KCNK10: variants seen among roughly 807,000 people sequenced by gnomAD.
KCNK10 encodes the protein potassium channel subfamily K member 10.
Under a neutral mutation model 47.7 loss-of-function variants are expected in KCNK10, and 25 were observed. The observed-to-expected ratio is 0.52, with a 90% CI of 0.38 to 0.73. KCNK10 has a LOEUF of 0.73. Among genes scored for constraint, KCNK10 ranks in the 30% least tolerant of loss-of-function variants. The pLI is 0.00. For synonymous variants in KCNK10, 303 were observed against 285.6 expected, an observed-to-expected ratio of 1.06 and a Z score of -0.61; for missense variants, 563 against 714.5, an observed-to-expected ratio of 0.79 and a Z score of 2.42.
chr14:88,304,125 G>T (rs1338749873), intron 1 of KCNK10, among the ~76,000 whole-genome samples: 1 of 152,054 alleles, frequency 6.6e-6, no homozygotes, highest in Non-Finnish European at 1.5e-5. Context: ...AGACCAGCCT[G>T]GGCAACATAG....
At chr14:88,201,911 C>T (rs910636701) in intron 4 of KCNK10, among the ~76,000 whole-genome samples, 1 of 152,210 alleles carries the variant, frequency 6.6e-6, no homozygotes, top group Non-Finnish European at 1.5e-5. Flanking sequence ...GGGACACATG[C>T]TCCATAAGAT....
intron 4 of KCNK10, among the ~76,000 whole-genome samples, chr14:88,199,939 C>A (rs1033271271): frequency 1.3e-5 from 2 of 152,186 alleles, no homozygotes; most frequent in African/African-American, 4.8e-5. Flanking sequence ...GTAAACAACG[C>A]CCTTCCCAAT....
intron 3 of KCNK10, chr14:88,234,925 G>C: frequency 3.3e-6 from 1 of 305,762 alleles, no homozygotes; most frequent in Non-Finnish European, 6.5e-6. Flanking sequence ...CTCAGAAAAT[G>C]ATGACAGGGC....
At chr14:88,292,605 C>G (rs1462832397) in intron 1 of KCNK10, among the ~76,000 whole-genome samples, 3 of 151,886 alleles carry the variant, frequency 2.0e-5, no homozygotes, top group African/African-American at 7.3e-5. Flanking sequence ...CCCACCTCGG[C>G]CTCCCAGAGT....
At chr14:88,293,741 T>A (rs1887927616) in intron 1 of KCNK10, among the ~76,000 whole-genome samples, 1 of 151,972 alleles carries the variant, frequency 6.6e-6, no homozygotes, top group Non-Finnish European at 1.5e-5. Context: ...AGTGGTGCAA[T>A]CATAGCTCAC....
upstream of KCNK10, chr14:88,323,330 C>A (rs1166565625): frequency 3.6e-5 from 35 of 978,886 alleles, no homozygotes; most frequent in Non-Finnish European, 4.2e-5. Flanking sequence ...CCGGCCGCGG[C>A]TCCTCGCCCC....
chr14:88,272,873 G>A (rs1265804291), intron 1 of KCNK10, among the ~76,000 whole-genome samples: 4 of 152,130 alleles, frequency 2.6e-5, no homozygotes, highest in East Asian at 3.9e-4. Flanking sequence ...TAAAATGTGC[G>A]GGTCCTAGTG....
intron 2 of KCNK10, 80 bp downstream of exon 2, chr14:88,263,122 G>T: frequency 8.5e-7 from 1 of 1,174,844 alleles, no homozygotes; most frequent in Non-Finnish European, 1.2e-6. Flanking sequence ...CTGAAGGCAA[G>T]ACTAGAGACC....
intron 5 of KCNK10, among the ~76,000 whole-genome samples, chr14:88,189,628 CCAGA>C (rs745846766): frequency 2.3e-4 from 35 of 152,076 alleles, no homozygotes; most frequent in Non-Finnish European, 4.3e-4. Context: ...GTGTGTGCTC[CCAGA>C]CAGAGTTGCG....
intron 1 of KCNK10, among the ~76,000 whole-genome samples, chr14:88,316,782 T>C (rs1888438416): frequency 1.3e-5 from 2 of 152,216 alleles, no homozygotes; most frequent in African/African-American, 4.8e-5. Context: ...CATTTTATCA[T>C]TAAACTCTTC....
At chr14:88,251,232 C>CA (rs1160023262) in intron 2 of KCNK10, among the ~76,000 whole-genome samples, 40,732 of 70,144 alleles carry the variant, frequency 0.58, 11,757 homozygotes, top group East Asian at 0.7. Context: ...GACTCTGTCT[C>CA]AAAAAAAAAA....
chr14:88,227,769 T>C (rs1170904843), intron 3 of KCNK10, among the ~76,000 whole-genome samples: 1 of 152,248 alleles, frequency 6.6e-6, no homozygotes, highest in East Asian at 1.9e-4. Flanking sequence ...AGGAAATTCA[T>C]GGTCACTCAG....
At position 88,186,420 on chromosome 14, in the gene KCNK10, A is replaced by C. The variant is rs1036790058; in HGVS notation, c.1012-265T>G. Among the ~76,000 whole-genome samples the C allele has an allele frequency of 6.6e-6, 1 of 152,088 alleles. No homozygotes were observed. Among genetic ancestry groups the C allele is most frequent in the African/African-American group, 2.4e-5 (1 of 41,420 alleles). ...CCTCAGATTTGGAGATGGTGACTTA[A>C]AGAGAGGGGGACGGCATCCTGCAGG... On this transcript the variant is annotated intron_variant, in intron 6 of 6. Transcript: ENST00000319231. This position sits in a 1 kb window ranked among gnomAD's most constrained non-coding sequence, Gnocchi z 5.5.
chr14:88,267,773 C>G (rs962934126), intron 1 of KCNK10, among the ~76,000 whole-genome samples: 2 of 152,162 alleles, frequency 1.3e-5, no homozygotes, highest in African/African-American at 4.8e-5. Context: ...GACCTGGAAT[C>G]AACCACTGGA....
chr14:88,303,480 T>TTGCTGTGA (rs1235343958), intron 1 of KCNK10, among the ~76,000 whole-genome samples: 1 of 152,034 alleles, frequency 6.6e-6, no homozygotes, highest in East Asian at 1.9e-4. Context: ...TCCAGCAATT[T>TTGCTGTGA]TGCTGTGAAA....
At chr14:88,259,860 G>A (rs1418236037) in intron 2 of KCNK10, among the ~76,000 whole-genome samples, 1 of 152,216 alleles carries the variant, frequency 6.6e-6, no homozygotes, top group South Asian at 2.1e-4. Context: ...CAGTGTAGGA[G>A]AAGGGGTATG....
chr14:88,307,958 G>T (rs1483630665), intron 1 of KCNK10, among the ~76,000 whole-genome samples: 2 of 152,062 alleles, frequency 1.3e-5, no homozygotes, highest in East Asian at 3.9e-4. Flanking sequence ...ACTCCCTAGG[G>T]AGCAGGTACT....
In KCNK10 at chr14:88,184,469, T is replaced by G. The variant is rs1178043321; in HGVS notation, c.*1066A>C. The G allele has an allele frequency of 1.3e-5, 2 of 152,356 alleles. No individual in the cohort carries two copies. Among genetic ancestry groups the G allele is most frequent in the African/African-American group, 4.8e-5 (2 of 41,458 alleles). The allele number at this position is 152,356 out of a possible 1,614,324, so 9.4% of individuals were successfully genotyped here. A position where few individuals can be genotyped will look rare whatever the true frequency, so the allele number is the denominator to read the frequency against. On this transcript the variant is annotated 3_prime_UTR_variant, in exon 7 of 7. Transcript: ENST00000319231. Reference sequence around the variant, plus strand: ...TCTTTTTGTTTGGAGATAGCGAGATTGGATCTTATCACTATGTCTACCCTA... The same window carrying G: ...TCTTTTTGTTTGGAGATAGCGAGATGGGATCTTATCACTATGTCTACCCTA...
chr14:88,262,035 G>C (rs1887126537), intron 2 of KCNK10, among the ~76,000 whole-genome samples: 1 of 152,146 alleles, frequency 6.6e-6, no homozygotes, highest in African/African-American at 2.4e-5. Flanking sequence ...CTACTCTATT[G>C]GTATGGTAAG....
Sources: allele counts gnomAD v4.1 joint callset (sites outside exome capture counted in the v4.1 genomes callset), GRCh38; gene constraint gnomAD v4.1.1; non-coding constraint Gnocchi (gnomAD v3.1); transcripts MANE v1.5; gene names NCBI Gene and HGNC (gene_info 2026-07-23, HGNC 2026-07-21).